CTIF: variants seen among roughly 807,000 people sequenced by gnomAD.
CTIF encodes the protein CBP80/20-dependent translation initiation factor.
A neutral mutation model predicts 66.0 loss-of-function variants in CTIF; 21 were observed. The ratio of observed to expected loss-of-function variants is 0.32; its 90% CI spans 0.23 to 0.46. The LOEUF is 0.46. Among genes scored for constraint, CTIF ranks in the 20% least tolerant of loss-of-function variants. The pLI is 1.00. For missense variants in CTIF, 739 were observed against 812.7 expected, an observed-to-expected ratio of 0.91 and a Z score of 1.10; for synonymous variants, 345 against 326.4, an observed-to-expected ratio of 1.06 and a Z score of -0.62.
chr18:48,834,127 T>C (rs1207846302), intron 10 of CTIF, among the ~76,000 whole-genome samples: 1 of 151,640 alleles, frequency 6.6e-6, no homozygotes, highest in Non-Finnish European at 1.5e-5. Flanking sequence ...TAGTAAATAT[T>C]TTAGGCTCTG....
chr18:48,551,635 A>G (rs1012431605), intron 1 of CTIF, among the ~76,000 whole-genome samples: 2 of 152,106 alleles, frequency 1.3e-5, no homozygotes, highest in Non-Finnish European at 2.9e-5. Flanking sequence ...AAAAGTTAGC[A>G]TTCCTCCTGA....
At chr18:48,702,459 T>C (rs547270749) in intron 6 of CTIF, among the ~76,000 whole-genome samples, 1 of 152,272 alleles carries the variant, frequency 6.6e-6, no homozygotes, top group African/African-American at 2.4e-5. Context: ...TCTAGAAAAA[T>C]GTCTAGCTCA....
chr18:48,571,723 TG>T (rs1348543175), intron 1 of CTIF, among the ~76,000 whole-genome samples: 26 of 152,124 alleles, frequency 1.7e-4, no homozygotes, highest in Non-Finnish European at 7.4e-5. Context: ...GATGTTTGGG[TG>T]GTTCCCAGTC....
intron 1 of CTIF, among the ~76,000 whole-genome samples, chr18:48,562,193 C>G (rs2089177862): frequency 6.6e-6 from 1 of 152,192 alleles, no homozygotes; most frequent in Non-Finnish European, 1.5e-5. Flanking sequence ...GGCACTGTAC[C>G]AAGTGCTTTA....
chr18:48,641,204 AT>A (rs2144671101), intron 3 of CTIF, among the ~76,000 whole-genome samples: 1 of 152,354 alleles, frequency 6.6e-6, no homozygotes, highest in Admixed American at 6.5e-5. Flanking sequence ...TTGGCATGGG[AT>A]TTAGAATTCA....
chr18:48,636,595 G>C lies in CTIF; in HGVS notation c.181-19G>C. ...CCTGGCTGTCCTGCCGTCACTGATC[G>C]CTCCTTTCTGTTCTGCAGTGGACAG... On this transcript the variant is annotated intron_variant, in intron 2 of 11. Coordinates refer to ENST00000256413, the MANE Select transcript of CTIF (RefSeq NM_014772.3). 2.0e-6 allele frequency: 3 copies of C among 1,515,602 alleles called. No individual in the cohort carries two copies. Among genetic ancestry groups the C allele is most frequent in the Non-Finnish European group, 2.6e-6 (3 of 1,132,178 alleles). The allele number at this position is 1,515,602 out of a possible 1,614,324, so 93.9% of individuals were successfully genotyped here.
At chr18:48,626,560 G>T (rs1330256636) in intron 2 of CTIF, among the ~76,000 whole-genome samples, 1 of 149,246 alleles carries the variant, frequency 6.7e-6, no homozygotes, top group Non-Finnish European at 1.5e-5. Context: ...TGTTGGCCAG[G>T]CTGGTGTCGA....
chr18:48,734,094 G>A (rs1486183442), intron 7 of CTIF, among the ~76,000 whole-genome samples: 3 of 152,230 alleles, frequency 2.0e-5, no homozygotes, highest in African/African-American at 4.8e-5. Flanking sequence ...CCTGTGAGCC[G>A]TGGCTCAAAC....
chr18:48,621,041 C>A (rs1483209829), intron 2 of CTIF, among the ~76,000 whole-genome samples: 1 of 152,032 alleles, frequency 6.6e-6, no homozygotes, highest in Admixed American at 6.5e-5. Flanking sequence ...ACAAGTAATG[C>A]AAGCTTATAA....
intron 1 of CTIF, among the ~76,000 whole-genome samples, chr18:48,618,551 G>C (rs1407123698): frequency 6.6e-6 from 1 of 152,202 alleles, no homozygotes; most frequent in East Asian, 1.9e-4. Flanking sequence ...AGAGGAAGGG[G>C]AGGGTCCCTG....
At chr18:48,781,317 G>T (rs1049357055) in intron 9 of CTIF, among the ~76,000 whole-genome samples, 11 of 152,180 alleles carry the variant, frequency 7.2e-5, no homozygotes, top group Admixed American at 5.9e-4. Flanking sequence ...GGCGGCGGCT[G>T]GGAGGGCAGA....
At chr18:48,709,516 G>A (rs1172366684) in intron 6 of CTIF, among the ~76,000 whole-genome samples, 1 of 152,250 alleles carries the variant, frequency 6.6e-6, no homozygotes, top group Non-Finnish European at 1.5e-5. Flanking sequence ...TACACTAGGG[G>A]CTATGGCCAG....
chr18:48,806,997 A>G (rs563875178), intron 9 of CTIF, among the ~76,000 whole-genome samples: 2 of 152,338 alleles, frequency 1.3e-5, no homozygotes, highest in South Asian at 4.1e-4. Flanking sequence ...AGGCTTTGAA[A>G]TGGCTGCCAC....
At chr18:48,601,984 T>A (rs558322082) in intron 1 of CTIF, among the ~76,000 whole-genome samples, 49 of 152,348 alleles carry the variant, frequency 3.2e-4, no homozygotes, top group Admixed American at 1.1e-3. Flanking sequence ...CTAGGAGGCA[T>A]GTTCATTTCA....
intron 6 of CTIF, among the ~76,000 whole-genome samples, chr18:48,695,584 T>C (rs2091995009): frequency 1.3e-5 from 2 of 152,228 alleles, no homozygotes; most frequent in South Asian, 4.1e-4. Context: ...CTGTTTAGTC[T>C]ATCCAGCCCT....
In CTIF at chr18:48,573,083, G is replaced by T. The variant is rs376605812; in HGVS notation, c.-29+33771G>T. 9.1e-4 allele frequency among the ~76,000 whole-genome samples: 138 copies of T among 152,300 alleles called. 1 individual carries two copies. Among genetic ancestry groups the T allele is most frequent in the African/African-American group, 3.2e-3 (133 of 41,562 alleles). ...AGTGCGGGAAGTGAGCCGTCTCGGA[G>T]GTAGCCAACATGTGGCTGAAGCAGT... On this transcript the variant is annotated intron_variant, in intron 1 of 11. Coordinates refer to ENST00000256413, the MANE Select transcript of CTIF (RefSeq NM_014772.3).
Position 48,752,794 on chromosome 18 carries a change from A to G in CTIF, c.585-5125A>G, listed in dbSNP as rs556375736. Among the ~76,000 whole-genome samples, 184 of 152,248 alleles carry G rather than the reference A, an allele frequency of 1.2e-3. 1 individual carries two copies. The highest frequency in any genetic ancestry group is 6.8e-3 in the Middle Eastern group (2 of 294). On this transcript the variant is annotated intron_variant, in intron 7 of 11. Transcript: ENST00000256413. ...CATCCGAATCAGCCCTGCGCGCACC[A>G]TGGGTGCTCCGTTAGTATAGGTCAC...
chr18:48,664,332 C>T, intron 4 of CTIF, 115 bp from the exon 5 acceptor site: 2 of 891,846 alleles, frequency 2.2e-6, no homozygotes, highest in Non-Finnish European at 3.6e-6. Flanking sequence ...CGCCTGGCCC[C>T]TGGCGGCTCC....
At chr18:48,654,994 A>G (rs1025943863) in intron 3 of CTIF, among the ~76,000 whole-genome samples, 9 of 152,058 alleles carry the variant, frequency 5.9e-5, no homozygotes, top group Non-Finnish European at 1.3e-4. Flanking sequence ...GCAGGGGGAG[A>G]GATAGCATTA....
Sources: allele counts gnomAD v4.1 joint callset (sites outside exome capture counted in the v4.1 genomes callset), GRCh38; gene constraint gnomAD v4.1.1; transcripts MANE v1.5; gene names NCBI Gene and HGNC (gene_info 2026-07-23, HGNC 2026-07-21).